The following FYB1 variants were observed in gnomAD, a reference collection of about 807,000 sequenced individuals.
FYB1 encodes FYN-binding protein 1.
Under a neutral mutation model 94.1 loss-of-function variants are expected in FYB1, and 41 were observed. The ratio of observed to expected loss-of-function variants is 0.44; its 90% confidence interval spans 0.34 to 0.57. FYB1 has a LOEUF of 0.57. Among genes scored for constraint, FYB1 ranks in the 20% least tolerant of loss-of-function variants. FYB1 has a pLI of 0.02. For missense variants in FYB1, 1,050 were observed against 976.8 expected (o/e 1.07, Z -1.00); for synonymous variants, 367 against 353.2 (o/e 1.04, Z -0.44).
chr5:39,136,978 C>T (rs1468374190), intron 7 of FYB1, among the ~76,000 whole-genome samples: 1 of 152,010 alleles, frequency 6.6e-6, no homozygotes, highest in Non-Finnish European at 1.5e-5. Context: ...AGAAAATAGC[C>T]CCTGAGTGTA....
At chr5:39,238,259 ATC>A in intron 1 of FYB1, among the ~76,000 whole-genome samples, 1 of 151,910 alleles carries the variant, frequency 6.6e-6, no homozygotes, top group East Asian at 1.9e-4. Flanking sequence ...CCTATAATAT[ATC>A]TGTGTGTGTG....
chr5:39,180,657 C>T (rs925431422), intron 2 of FYB1, among the ~76,000 whole-genome samples: 3 of 152,160 alleles, frequency 2.0e-5, no homozygotes, highest in Non-Finnish European at 4.4e-5. Context: ...AATGCTGTTG[C>T]TGCTGCCTCC....
chr5:39,238,720 T>C (rs767680778), intron 1 of FYB1, among the ~76,000 whole-genome samples: 1 of 152,032 alleles, frequency 6.6e-6, no homozygotes, highest in Non-Finnish European at 1.5e-5. Flanking sequence ...TTATCCAGAA[T>C]ACCAAAACAA....
intron 1 of FYB1, among the ~76,000 whole-genome samples, chr5:39,249,007 A>G (rs1751602163): frequency 6.6e-6 from 1 of 152,218 alleles, no homozygotes; most frequent in African/African-American, 2.4e-5. Context: ...TTAATTCCTC[A>G]GTTGCACTAG....
chr5:39,200,744 T>A (rs1748237012), intron 2 of FYB1, among the ~76,000 whole-genome samples: 1 of 152,236 alleles, frequency 6.6e-6, no homozygotes, highest in South Asian at 2.1e-4. Flanking sequence ...TATCGCAAGA[T>A]GTTTCTACAG....
intron 1 of FYB1, among the ~76,000 whole-genome samples, chr5:39,209,598 G>A (rs949446506): frequency 3.3e-5 from 5 of 152,096 alleles, no homozygotes; most frequent in Admixed American, 2.6e-4. Flanking sequence ...CAAAGTGCTG[G>A]GATTACAGGC....
intron 3 of FYB1, among the ~76,000 whole-genome samples, chr5:39,145,964 G>A (rs1263068945): frequency 1.3e-5 from 2 of 151,054 alleles, no homozygotes; most frequent in African/African-American, 4.9e-5. Context: ...CCAGGCTGGA[G>A]TGCAGTGGTG....
chr5:39,135,853 C>A (rs1010630658), intron 7 of FYB1, among the ~76,000 whole-genome samples: 3 of 152,006 alleles, frequency 2.0e-5, no homozygotes, highest in Non-Finnish European at 2.9e-5. Flanking sequence ...TATCTATTAT[C>A]ATCTTGTGAA....
intron 1 of FYB1, among the ~76,000 whole-genome samples, chr5:39,228,550 C>T (rs548103936): frequency 1.3e-5 from 2 of 152,232 alleles, no homozygotes; most frequent in East Asian, 3.9e-4. Flanking sequence ...AGTTTCTTTC[C>T]AGAACTGAAG....
chr5:39,267,759 A>G (rs1057205508), intron 1 of FYB1, among the ~76,000 whole-genome samples: 4 of 152,270 alleles, frequency 2.6e-5, no homozygotes, highest in African/African-American at 9.6e-5. Flanking sequence ...TTATATAGTA[A>G]GAAACTTAAA....
chr5:39,272,999 G>C (rs1339529316), intron 1 of FYB1, among the ~76,000 whole-genome samples: 3 of 152,204 alleles, frequency 2.0e-5, no homozygotes, highest in Admixed American at 1.3e-4. Flanking sequence ...CCACCCGGCC[G>C]GCTGCCCTGT....
chr5:39,111,178 A>C (rs1739041626), intron 16 of FYB1, among the ~76,000 whole-genome samples: 2 of 151,994 alleles, frequency 1.3e-5, no homozygotes, highest in Non-Finnish European at 2.9e-5. Flanking sequence ...TATTTTTCTT[A>C]AGAAAATGCC....
chr5:39,148,514 CTTCCTATATTTAACCCA>C (rs1337181636), intron 3 of FYB1, among the ~76,000 whole-genome samples: 2 of 140,438 alleles, frequency 1.4e-5, no homozygotes, highest in African/African-American at 5.2e-5. Context: ...TGGAACATGT[CTTCCTATATTTAACCCA>C]CGAGGAATTT....
chr5:39,105,713 CA>C lies in FYB1; in HGVS notation c.*1729del, dbSNP rs1260708077. ...TATATTTATTACCAAATTTAATAAACAAAAACCACTTTTGAACCAGGTAATT... is the reference window on the plus strand; with the variant it reads ...TATATTTATTACCAAATTTAATAAACAAAACCACTTTTGAACCAGGTAATT... On this transcript the variant is annotated 3_prime_UTR_variant, in exon 19 of 19. Transcript: ENST00000512982. The C allele has an allele frequency of 6.6e-6, 1 of 151,968 alleles. No individual in the cohort carries two copies. The highest frequency in any genetic ancestry group is 2.4e-5 in the African/African-American group (1 of 41,382). 9.4% of individuals were successfully genotyped at this position (151,968 alleles called of 1,614,324 possible).
At chr5:39,224,858 T>C (rs745889636) in intron 1 of FYB1, among the ~76,000 whole-genome samples, 9 of 152,202 alleles carry the variant, frequency 5.9e-5, no homozygotes, top group East Asian at 5.8e-4. Flanking sequence ...TCATTCTTCC[T>C]GCTTTCTTCC....
intron 2 of FYB1, among the ~76,000 whole-genome samples, chr5:39,161,555 G>T (rs1337681750): frequency 6.7e-6 from 1 of 149,480 alleles, no homozygotes; most frequent in Non-Finnish European, 1.5e-5. Flanking sequence ...ATTTTAAAAA[G>T]ATGTTATATA....
intron 1 of FYB1, among the ~76,000 whole-genome samples, chr5:39,236,440 C>T (rs1339297692): frequency 6.6e-6 from 1 of 151,902 alleles, no homozygotes; most frequent in African/African-American, 2.4e-5. Context: ...AATGTAGATC[C>T]AATTTCTGGG....
At chr5:39,128,973 C>A (rs1434562270) in intron 10 of FYB1, among the ~76,000 whole-genome samples, 2 of 151,934 alleles carry the variant, frequency 1.3e-5, no homozygotes, top group Admixed American at 6.6e-5. Context: ...ATAGGAAAAA[C>A]AATCCTTAAA....
intron 2 of FYB1, among the ~76,000 whole-genome samples, chr5:39,157,107 C>T (rs550601055): frequency 3.7e-4 from 56 of 152,216 alleles, no homozygotes; most frequent in Non-Finnish European, 7.8e-4. Context: ...GTTAAGAAAA[C>T]TACCCAAGTT....
Sources: gnomAD v4.1 joint callset for allele counts (sites outside exome capture counted in the v4.1 genomes callset) on GRCh38, gnomAD v4.1.1 for gene constraint, MANE v1.5 for transcripts, NCBI Gene and HGNC (gene_info 2026-07-23, HGNC 2026-07-21) for gene names.